Variants in MMP19 observed in about 807,000 individuals in gnomAD.
MMP19 encodes matrix metallopeptidase 19.
MMP19 carries 47 observed loss-of-function variants against 46.6 expected under a neutral mutation model. The ratio of observed to expected loss-of-function variants is 1.01; its 90% CI spans 0.80 to 1.29. MMP19 has a LOEUF of 1.29. MMP19 is among the 50% of genes most tolerant of loss of function. The pLI, the probability that MMP19 is intolerant of heterozygous loss-of-function variation, is 0.00. For synonymous variants in MMP19, 222 were observed against 248.5 expected, an observed-to-expected ratio of 0.89 and a Z score of 1.00; for missense variants, 589 against 643.5, an observed-to-expected ratio of 0.92 and a Z score of 0.92.
intron 4 of MMP19, among the ~76,000 whole-genome samples, chr12:55,840,395 AGGAGAGAAGGAAGGGAGGGAG>A (rs1245273397): frequency 7.0e-5 from 7 of 100,040 alleles, no homozygotes; most frequent in South Asian, 4.3e-4. Flanking sequence ...GAGAGAGAGA[AGGAGAGAAGGAAGGGAGGGAG>A]GGAGAGAAGG....
intron 6 of MMP19, chr12:55,838,380 G>A: frequency 3.4e-6 from 3 of 881,032 alleles, no homozygotes; most frequent in Non-Finnish European, 5.5e-6. Context: ...GTGTTCTAGT[G>A]GCCCTTAGAG....
At chr12:55,838,176 A>T in intron 6 of MMP19, 169 bp from the exon 7 acceptor site, 1 of 693,136 alleles carries the variant, frequency 1.4e-6, no homozygotes, top group South Asian at 2.2e-5. Context: ...AAGAGGACTC[A>T]GAATGCTTTG....
At chr12:55,838,032 G>A in intron 6 of MMP19, 25 bp from the exon 7 acceptor site, 1 of 1,535,012 alleles carries the variant, frequency 6.5e-7, no homozygotes, top group Admixed American at 2.1e-5. Context: ...GTGTCAACAA[G>A]TCAAAAAGAC....
rs1881282509 is a variant in MMP19, at chr12:55,837,181, T to C, written c.1382A>G (p.Tyr461Cys). 1 of 1,614,098 alleles carries C rather than the reference T, an allele frequency of 6.2e-7. No homozygotes were observed. The highest frequency in any genetic ancestry group is 1.3e-5 in the African/African-American group (1 of 74,932). Reference sequence around the variant, plus strand: ...CCAGTTGTGGGAAATATTTCTGGGATAGCCTTTCTCTACTCGAAGCTGCTG... The same window carrying C: ...CCAGTTGTGGGAAATATTTCTGGGACAGCCTTTCTCTACTCGAAGCTGCTG... ...LNQQLRVEKG[Y>C]PRNISHNWMH... The change falls in exon 9 of 9, where the codon TAT (tyrosine) becomes TGT (cysteine). Residue 461 changes from tyrosine (Y) to cysteine (C), a missense_variant. Transcript: ENST00000322569.
chr12:55,841,808 C>T (rs1458696699), intron 2 of MMP19, among the ~76,000 whole-genome samples: 1 of 152,146 alleles, frequency 6.6e-6, no homozygotes, highest in Non-Finnish European at 1.5e-5. Context: ...TCCCACCTGA[C>T]AGCCTGTCCT....
At chr12:55,838,779 C>A in intron 5 of MMP19, 45 bp from the exon 6 acceptor site, 1 of 1,470,686 alleles carries the variant, frequency 6.8e-7, no homozygotes, top group Non-Finnish European at 9.2e-7. Context: ...CTCACAGCAC[C>A]TGTCCTCCAC....
chr12:55,841,433 A>G (rs1334726683), intron 2 of MMP19, 197 bp from the exon 3 acceptor site: 1 of 551,098 alleles, frequency 1.8e-6, no homozygotes, highest in African/African-American at 1.9e-5. Flanking sequence ...GAGATACTCC[A>G]GCTTCATCTC....
At chr12:55,842,687 G>A in intron 1 of MMP19, 57 bp downstream of exon 1, 1 of 1,407,000 alleles carries the variant, frequency 7.1e-7, no homozygotes, top group Non-Finnish European at 9.9e-7. Flanking sequence ...CGATGGGGCT[G>A]TGGAGCAGTA....
intron 4 of MMP19, 100 bp from the exon 5 acceptor site, chr12:55,839,841 T>C: frequency 1.4e-6 from 2 of 1,414,132 alleles, no homozygotes; most frequent in South Asian, 2.8e-5. Context: ...CCTTTAAAAT[T>C]CCCCCAGCTA....
intron 5 of MMP19, 42 bp downstream of exon 5, chr12:55,839,454 G>C (rs1329261154): frequency 1.3e-6 from 2 of 1,562,728 alleles, no homozygotes; most frequent in East Asian, 4.5e-5. Flanking sequence ...CTTGACGTGG[G>C]AGTCAGACTG....
At chr12:55,841,752 G>A (rs1379925955) in intron 2 of MMP19, among the ~76,000 whole-genome samples, 2 of 152,042 alleles carry the variant, frequency 1.3e-5, no homozygotes, top group African/African-American at 4.8e-5. Context: ...CTCCTACTCT[G>A]TGGAGGTGTC....
At chr12:55,842,309 C>G in intron 2 of MMP19, 44 bp downstream of exon 2, 1 of 1,506,146 alleles carries the variant, frequency 6.6e-7, no homozygotes, top group Non-Finnish European at 9.2e-7. Context: ...GGAAGAAGAC[C>G]TTGAGACCTT....
At chr12:55,841,570 CTCTT>C (rs1178272632) in intron 2 of MMP19, among the ~76,000 whole-genome samples, 1 of 138,924 alleles carries the variant, frequency 7.2e-6, no homozygotes, top group Admixed American at 7.4e-5. Flanking sequence ...TTTTTCTTCT[CTCTT>C]TCTTTCTTCC....
rs958525615 is a variant in MMP19 at position 55,836,891 on chromosome 12, C to G, written c.*145G>C. On this transcript the variant is annotated 3_prime_UTR_variant, in exon 9 of 9. Coordinates refer to ENST00000322569, the MANE Select transcript of MMP19 (RefSeq NM_002429.6). ...TAGAGGCCTGAGATCTACGGTCTTGCGCCTGCTACAGCACCTGCAAGGTTC... is the reference window on the plus strand; with the variant it reads ...TAGAGGCCTGAGATCTACGGTCTTGGGCCTGCTACAGCACCTGCAAGGTTC... 3 of 726,878 alleles carry G rather than the reference C, an allele frequency of 4.1e-6. No individual in the cohort carries two copies. The highest frequency in any genetic ancestry group is 6.7e-6 in the Non-Finnish European group (3 of 449,744). 45.0% of individuals were successfully genotyped at this position (726,878 alleles called of 1,614,324 possible).
At position 55,842,535 on chromosome 12, in the gene MMP19, G is replaced by A. The variant is rs146501232; in HGVS notation, c.88-97C>T. On this transcript the variant is annotated intron_variant, in intron 1 of 8. Transcript: ENST00000322569. ...AGATCCATCAGGAGAGGAGGGACCT[G>A]ATATGGAAGCACTAATGGAGAAGCA... The A allele has an allele frequency of 6.0e-4, 590 of 990,956 alleles. 5 individuals carry two copies. The East Asian group carries it at 0.014, about 23-fold the overall frequency. The allele number at this position is 990,956 out of a possible 1,614,324, so 61.4% of individuals were successfully genotyped here. A position where few individuals can be genotyped will look rare whatever the true frequency, so the allele number is the denominator to read the frequency against.
intron 2 of MMP19, among the ~76,000 whole-genome samples, chr12:55,841,832 C>G (rs563590618): frequency 6.1e-4 from 93 of 152,158 alleles, no homozygotes; most frequent in African/African-American, 2.2e-3. Context: ...TCAGCCTTCT[C>G]CCTTCCTGAA....
chr12:55,841,303 C>T lies in MMP19; in HGVS notation c.174-67G>A, dbSNP rs4438080. 3.2e-6 allele frequency: 5 copies of T among 1,558,786 alleles called. No homozygotes were observed. In the East Asian group the frequency reaches 1.1e-4, roughly 35 times the overall value. On this transcript the variant is annotated intron_variant, in intron 2 of 8. Transcript: ENST00000322569. The stretch of plus-strand genomic sequence containing the variant: ...CTGAAATGACTGGGAGATGATTGCT[C>T]TTTGACTTCCTGCTGCCCAAGTTCA...
chr12:55,842,253 T>G, intron 2 of MMP19, 100 bp downstream of exon 2: 1 of 936,134 alleles, frequency 1.1e-6, no homozygotes, highest in Non-Finnish European at 1.7e-6. Context: ...CCTGGCATGG[T>G]TTAGGGTCAG....
At chr12:55,838,481 T>A (rs756696944) in intron 6 of MMP19, 125 bp downstream of exon 6, 1 of 1,602,990 alleles carries the variant, frequency 6.2e-7, no homozygotes, top group East Asian at 2.2e-5. Context: ...TCCATGGTCA[T>A]TAATGCCTGG....
Sources: allele counts gnomAD v4.1 joint callset (sites outside exome capture counted in the v4.1 genomes callset), GRCh38; gene constraint gnomAD v4.1.1; transcripts MANE v1.5; gene names NCBI Gene and HGNC (gene_info 2026-07-23, HGNC 2026-07-21).